CSNK1G3: variants seen among roughly 807,000 people sequenced by gnomAD.
The protein encoded by CSNK1G3 is casein kinase I isoform gamma-3.
Under a neutral mutation model 64.3 loss-of-function variants are expected in CSNK1G3, and 23 were observed. That is an observed-to-expected ratio of 0.36 (90% CI 0.26 to 0.51). The LOEUF is 0.51. Ranked by LOEUF, CSNK1G3 falls within the 20% of genes least tolerant of loss-of-function variation. CSNK1G3 has a pLI of 0.96. For missense variants in CSNK1G3, 357 were observed against 510.5 expected, an observed-to-expected ratio of 0.70 and a Z score of 2.90; for synonymous variants, 158 against 162.2, an observed-to-expected ratio of 0.97 and a Z score of 0.20.
chr5:123,542,849 AGTGTGTGTGTGT>A (rs66645709), intron 1 of CSNK1G3, among the ~76,000 whole-genome samples: 9 of 134,904 alleles, frequency 6.7e-5, no homozygotes, highest in African/African-American at 1.1e-4. Flanking sequence ...GCCTAGATTT[AGTGTGTGTGTGT>A]GTGTGTGTGT....
intron 1 of CSNK1G3, among the ~76,000 whole-genome samples, chr5:123,526,939 A>G (rs1779205856): frequency 6.6e-6 from 1 of 151,504 alleles, no homozygotes; most frequent in African/African-American, 2.4e-5. Flanking sequence ...GTTGGGTCAT[A>G]TGGCAAGTGT....
intron 1 of CSNK1G3, among the ~76,000 whole-genome samples, chr5:123,524,682 T>C (rs991488524): frequency 4.7e-4 from 71 of 152,192 alleles, no homozygotes; most frequent in South Asian, 4.1e-4. Context: ...GAAAAACTTA[T>C]AGTTATCGTA....
chr5:123,522,058 T>C (rs1437305783), intron 1 of CSNK1G3, among the ~76,000 whole-genome samples: 1 of 152,188 alleles, frequency 6.6e-6, no homozygotes, highest in Non-Finnish European at 1.5e-5. Context: ...CTTTCTTTTA[T>C]TTTCCAACTG....
At chr5:123,519,140 G>C (rs1159656066) in intron 1 of CSNK1G3, among the ~76,000 whole-genome samples, 3 of 151,914 alleles carry the variant, frequency 2.0e-5, no homozygotes, top group Non-Finnish European at 2.9e-5. Context: ...TGCAACCCCT[G>C]CCTCTTGGGT....
chr5:123,550,328 C>A lies in CSNK1G3; in HGVS notation c.179-2779C>A, dbSNP rs539193880. 5.9e-5 allele frequency among the ~76,000 whole-genome samples: 9 copies of A among 152,270 alleles called. No homozygotes were observed. The East Asian group carries it at 1.7e-3, about 29-fold the overall frequency. Reference sequence around the variant, plus strand: ...GTAATTGCTTTAGCTGTTTCCATCTCCCAGCCAGGAAGAATAAAGAAAAAA... The same window carrying A: ...GTAATTGCTTTAGCTGTTTCCATCTACCAGCCAGGAAGAATAAAGAAAAAA... On this transcript the variant is annotated intron_variant, in intron 2 of 12. Transcript: ENST00000345990.
chr5:123,531,024 G>A (rs1336199167), intron 1 of CSNK1G3, among the ~76,000 whole-genome samples: 3 of 152,064 alleles, frequency 2.0e-5, no homozygotes, highest in Admixed American at 6.5e-5. Context: ...CTGAAGACAT[G>A]TATTGTAATA....
At chr5:123,607,636 A>G (rs551230471) in intron 12 of CSNK1G3, among the ~76,000 whole-genome samples, 23 of 152,306 alleles carry the variant, frequency 1.5e-4, no homozygotes, top group Non-Finnish European at 3.2e-4. Flanking sequence ...GAAATGTTCT[A>G]AAATTAGATA....
rs562002075 is a variant in CSNK1G3 at position 123,607,572 on chromosome 5, T to G, written c.1217+2210T>G. The stretch of plus-strand genomic sequence containing the variant: ...GGCAAATACATAGACATCAAAAGAT[T>G]AGTGATTGCCCAGGGCAGGGAAGAG... On this transcript the variant is annotated intron_variant, in intron 12 of 12. Coordinates refer to ENST00000345990, the Ensembl canonical transcript of CSNK1G3. Among the ~76,000 whole-genome samples, 3 of 152,230 alleles carry G rather than the reference T, an allele frequency of 2.0e-5. No individual in the cohort carries two copies. In the East Asian group the frequency reaches 5.8e-4, roughly 29 times the overall value.
At chr5:123,571,016 T>A (rs1787989701) in intron 4 of CSNK1G3, among the ~76,000 whole-genome samples, 1 of 152,186 alleles carries the variant, frequency 6.6e-6, no homozygotes. Context: ...CATTCCCTGT[T>A]TCTGAACCTT....
At chr5:123,524,508 A>T (rs1388983922) in intron 1 of CSNK1G3, among the ~76,000 whole-genome samples, 1 of 152,028 alleles carries the variant, frequency 6.6e-6, no homozygotes, top group African/African-American at 2.4e-5. Flanking sequence ...AGTTTCCTTA[A>T]ACTTCCTTAA....
chr5:123,577,193 T>G (rs1050810063), intron 6 of CSNK1G3, among the ~76,000 whole-genome samples: 6 of 152,032 alleles, frequency 3.9e-5, no homozygotes, highest in African/African-American at 1.4e-4. Flanking sequence ...ATCTTGTAGT[T>G]TCTCTTCTGC....
chr5:123,513,065 A>T (rs924297590), intron 1 of CSNK1G3, among the ~76,000 whole-genome samples: 30 of 152,084 alleles, frequency 2.0e-4, no homozygotes, highest in Non-Finnish European at 3.1e-4. Context: ...CGTTCAGCTC[A>T]GGGATAAACT....
chr5:123,575,824 G>C, exon 6 of CSNK1G3: 1 of 1,613,610 alleles, frequency 6.2e-7, no homozygotes, highest in East Asian at 2.2e-5. Flanking sequence ...ACAAAACCCA[G>C]CAAGTTATTC....
At chr5:123,588,724 A>G (rs1447565628) in intron 8 of CSNK1G3, among the ~76,000 whole-genome samples, 1 of 152,142 alleles carries the variant, frequency 6.6e-6, no homozygotes, top group African/African-American at 2.4e-5. Context: ...CTGTCTGTTA[A>G]TAGTGTTGAT....
chr5:123,573,688 G>A, intron 5 of CSNK1G3, 147 bp downstream of exon 5: 2 of 607,414 alleles, frequency 3.3e-6, no homozygotes, highest in Non-Finnish European at 5.3e-6. Flanking sequence ...TTGTCTTTCT[G>A]GGATCCATGT....
chr5:123,595,058 C>G, intron 10 of CSNK1G3: 2 of 1,613,714 alleles, frequency 1.2e-6, no homozygotes, highest in Non-Finnish European at 1.7e-6. Flanking sequence ...CACAGGGCAG[C>G]TTGGGACTCC....
At chr5:123,520,687 A>G (rs1777947349) in intron 1 of CSNK1G3, among the ~76,000 whole-genome samples, 1 of 152,000 alleles carries the variant, frequency 6.6e-6, no homozygotes, top group Admixed American at 6.5e-5. Flanking sequence ...GCCATATAAT[A>G]TCTTTTGGTA....
At chr5:123,593,043 A>AT (rs1424571103) in intron 10 of CSNK1G3, among the ~76,000 whole-genome samples, 9 of 152,004 alleles carry the variant, frequency 5.9e-5, no homozygotes, top group African/African-American at 2.2e-4. Context: ...AAATTCCTCT[A>AT]TTGTTGAATT....
intron 6 of CSNK1G3, among the ~76,000 whole-genome samples, chr5:123,584,594 TTATC>T (rs1360107537): frequency 6.6e-6 from 1 of 152,176 alleles, no homozygotes; most frequent in Non-Finnish European, 1.5e-5. Flanking sequence ...TGTAATGTCT[TTATC>T]TGTTGTTGGT....
Sources: allele counts gnomAD v4.1 joint callset (sites outside exome capture counted in the v4.1 genomes callset), GRCh38; gene constraint gnomAD v4.1.1; transcripts MANE v1.5; gene names NCBI Gene and HGNC (gene_info 2026-07-23, HGNC 2026-07-21).